The following ALMS1 variants were observed in gnomAD, a reference collection of about 807,000 sequenced individuals.
ALMS1 encodes the protein ALMS1 centrosome and basal body associated protein.
A neutral mutation model predicts 352.2 loss-of-function variants in ALMS1; 271 were observed. The ratio of observed to expected loss-of-function variants is 0.77; its 90% CI spans 0.70 to 0.85. The LOEUF is 0.85. Among genes scored for constraint, ALMS1 ranks in the 40% least tolerant of loss-of-function variants. The probability of loss-of-function intolerance (pLI) is 0.00; values close to 1 mark genes in which losing one functional copy is unlikely to be tolerated. For synonymous variants in ALMS1, 1,865 were observed against 1,761.2 expected (o/e 1.06, Z -1.48); for missense variants, 5,445 against 4,870.7 (o/e 1.12, Z -3.51).
chr2:73,386,172 G>A lies in ALMS1; in HGVS notation c.304G>A (p.Glu102Lys), dbSNP rs1670524883. ...SPPQHRYSEG[E>K]RTSLEKIVPL... The stretch of plus-strand genomic sequence containing the variant: ...CCCGCAGCACCGCTACTCGGAGGGC[G>A]AGCGGACCTCCCTGGAGAAGGTGAG... Residue 102 changes from glutamate (E) to lysine (K), a missense_variant, in exon 1 of 23, where the codon GAG becomes AAG. By Grantham distance (56) the Glu-to-Lys change is moderately conservative. Transcript: ENST00000613296. 1.9e-6 allele frequency: 3 copies of A among 1,548,514 alleles called. No individual in the cohort carries two copies. Among genetic ancestry groups the A allele is most frequent in the South Asian group, 2.4e-5 (2 of 83,890 alleles).
In ALMS1 at chr2:73,496,142, T is replaced by C. The variant is rs549330784; in HGVS notation, c.9539+4644T>C. ...TCACCTTTGAAAATTTCCGTACTTA[T>C]AAATTTCACTTTCTGTGCTTTACAA... On this transcript the variant is annotated intron_variant, in intron 10 of 22. Transcript: ENST00000613296. Among the ~76,000 whole-genome samples the C allele has an allele frequency of 4.6e-5, 7 of 152,360 alleles. No homozygotes were observed. The East Asian group carries it at 1.3e-3, about 29-fold the overall frequency.
intron 1 of ALMS1, among the ~76,000 whole-genome samples, chr2:73,397,232 T>G (rs886582852): frequency 9.9e-5 from 15 of 152,182 alleles, no homozygotes; most frequent in Admixed American, 3.9e-4. Context: ...TAGTACTAGT[T>G]AGTTCCCACA....
chr2:73,514,233 G>A (rs1673509934), intron 10 of ALMS1, among the ~76,000 whole-genome samples: 1 of 151,796 alleles, frequency 6.6e-6, no homozygotes, highest in Non-Finnish European at 1.5e-5. Flanking sequence ...TATAATTATT[G>A]AGCTAGTTGA....
At chr2:73,455,747 T>C (rs1672046441) in intron 9 of ALMS1, among the ~76,000 whole-genome samples, 1 of 152,238 alleles carries the variant, frequency 6.6e-6, no homozygotes, top group Non-Finnish European at 1.5e-5. Flanking sequence ...ATTAGATTCT[T>C]ACAGTCTAGA....
At chr2:73,478,664 A>G (rs895434297) in intron 9 of ALMS1, among the ~76,000 whole-genome samples, 2 of 150,736 alleles carry the variant, frequency 1.3e-5, no homozygotes, top group Non-Finnish European at 3.0e-5. Context: ...TCGTTTATTT[A>G]TTTATTTATT....
intron 10 of ALMS1, among the ~76,000 whole-genome samples, chr2:73,506,655 C>T (rs996898011): frequency 9.9e-5 from 15 of 152,262 alleles, no homozygotes; most frequent in East Asian, 3.9e-4. Context: ...GCTGAAGTTG[C>T]CTATCAGCTT....
chr2:73,537,732 T>TTAATGA (rs1380559617), intron 12 of ALMS1, among the ~76,000 whole-genome samples: 2 of 152,056 alleles, frequency 1.3e-5, no homozygotes, highest in African/African-American at 4.8e-5. Flanking sequence ...CCAGGCCGGG[T>TTAATGA]GCGGTGGCTC....
chr2:73,505,150 T>G (rs1356116201), intron 10 of ALMS1, among the ~76,000 whole-genome samples: 2 of 152,210 alleles, frequency 1.3e-5, no homozygotes, highest in Admixed American at 6.5e-5. Context: ...TGGTTCTAAG[T>G]CTTTGTTATT....
chr2:73,602,153 G>A (rs748015568), intron 19 of ALMS1, 32 bp from the exon 20 acceptor site: 1 of 1,596,122 alleles, frequency 6.3e-7, no homozygotes, highest in African/African-American at 1.3e-5. Flanking sequence ...TTAATCTGAG[G>A]CTGGGCATTT....
At chr2:73,517,605 T>C (rs1673587034) in intron 10 of ALMS1, among the ~76,000 whole-genome samples, 1 of 152,124 alleles carries the variant, frequency 6.6e-6, no homozygotes, top group Admixed American at 6.6e-5. Flanking sequence ...GAGTTCCTTA[T>C]ACCACTCTTC....
At chr2:73,437,858 A>G (rs947141703) in intron 7 of ALMS1, among the ~76,000 whole-genome samples, 10 of 152,126 alleles carry the variant, frequency 6.6e-5, no homozygotes, top group Non-Finnish European at 1.0e-4. Flanking sequence ...AACGAGACCA[A>G]CTGTATTCTA....
At chr2:73,510,892 T>C (rs1465510168) in intron 10 of ALMS1, among the ~76,000 whole-genome samples, 1 of 152,190 alleles carries the variant, frequency 6.6e-6, no homozygotes, top group Non-Finnish European at 1.5e-5. Flanking sequence ...GCTGCTGCCT[T>C]TCTTTCAGAG....
At chr2:73,560,459 G>A (rs1481845258) in intron 15 of ALMS1, among the ~76,000 whole-genome samples, 1 of 152,104 alleles carries the variant, frequency 6.6e-6, no homozygotes, top group Non-Finnish European at 1.5e-5. Flanking sequence ...GTAAAATGAT[G>A]TAGCTATTAT....
At position 73,449,520 on chromosome 2, in the gene ALMS1, T is replaced by A. The variant is rs1480245107; in HGVS notation, c.2993T>A (p.Val998Glu). 6.2e-7 allele frequency: 1 copy of A among 1,613,912 alleles called. No individual in the cohort carries two copies. The highest frequency in any genetic ancestry group is 1.7e-5 in the Admixed American group (1 of 59,980). Reference protein sequence around the residue: ...TDQKTVPTPTVPSGSFSHREK... With the variant: ...TDQKTVPTPTEPSGSFSHREK... ...CAGAAGACTGTCCCAACACCAACAG[T>A]ACCTTCAGGTTCCTTCTCACATAGA... Residue 998 changes from valine (V) to glutamate (E), a missense_variant, in exon 8 of 23, where the codon GTA becomes GAA. Val to Glu is a moderately radical substitution (Grantham distance 121). Transcript: ENST00000613296.
intron 7 of ALMS1, among the ~76,000 whole-genome samples, chr2:73,442,302 T>TA (rs544326370): frequency 1.1e-4 from 16 of 152,192 alleles, no homozygotes; most frequent in African/African-American, 3.9e-4. Flanking sequence ...ATATTATTAT[T>TA]ATGCCATATT....
intron 11 of ALMS1, among the ~76,000 whole-genome samples, chr2:73,520,435 C>T (rs1673652617): frequency 6.6e-6 from 1 of 152,108 alleles, no homozygotes; most frequent in Non-Finnish European, 1.5e-5. Flanking sequence ...CAAATAGATG[C>T]ATAAACATGT....
chr2:73,395,299 C>T (rs1048845113), intron 1 of ALMS1, among the ~76,000 whole-genome samples: 1 of 151,014 alleles, frequency 6.6e-6, no homozygotes, highest in Non-Finnish European at 1.5e-5. Flanking sequence ...AGGCTGGTCC[C>T]GAACTCCTGA....
In ALMS1 at chr2:73,490,910, A is replaced by G. The variant is rs926331435; in HGVS notation, c.8951A>G (p.His2984Arg). The stretch of plus-strand genomic sequence containing the variant: ...GTAGATGACCAAATGAATAAACACC[A>G]TTTTCCCCTTCCTCAAGGTCAGGAT... ...PGVDDQMNKH[H>R]FPLPQGQDCV... is the part of the protein sequence containing the mutation. Residue 2984 changes from histidine to arginine, a missense_variant, in exon 10 of 23, where the codon CAT becomes CGT. Transcript: ENST00000613296. The G allele has an allele frequency of 1.2e-6, 2 of 1,613,848 alleles. No homozygotes were observed. The highest frequency in any genetic ancestry group is 1.1e-5 in the South Asian group (1 of 91,054).
intron 9 of ALMS1, among the ~76,000 whole-genome samples, chr2:73,456,174 TTTC>T (rs1303250980): frequency 2.0e-4 from 30 of 152,308 alleles, no homozygotes; most frequent in African/African-American, 7.2e-4. Flanking sequence ...ATCTTTTTTA[TTTC>T]TTATTTTGAT....
Sources: allele counts gnomAD v4.1 joint callset (sites outside exome capture counted in the v4.1 genomes callset), GRCh38; gene constraint gnomAD v4.1.1; transcripts MANE v1.5; gene names NCBI Gene and HGNC (gene_info 2026-07-23, HGNC 2026-07-21).